The following SCIN variants were observed in gnomAD, a reference collection of about 807,000 sequenced individuals.
The protein encoded by SCIN is scinderin, also known as adseverin.
Under a neutral mutation model 91.8 loss-of-function variants are expected in SCIN, and 91 were observed. That is an observed-to-expected ratio of 0.99 (90% CI 0.84 to 1.18). The LOEUF (loss-of-function observed/expected upper bound fraction) is 1.18, where lower values mean the gene tolerates loss of function less well. Among genes scored for constraint, SCIN ranks in the 50% most tolerant of loss-of-function variants. SCIN has a pLI of 0.00. For missense variants in SCIN, 1,087 were observed against 863.9 expected (o/e 1.26, Z -3.24); for synonymous variants, 367 against 312.6 (o/e 1.17, Z -1.84).
chr7:12,593,535 T>C lies in SCIN; in HGVS notation c.517-10979T>C, dbSNP rs183222659. Among the ~76,000 whole-genome samples the C allele has an allele frequency of 3.3e-5, 5 of 152,120 alleles. 1 individual carries two copies. The South Asian group carries it at 8.3e-4, about 25-fold the overall frequency. On this transcript the variant is annotated intron_variant, in intron 3 of 15. Transcript: ENST00000297029. ...AATAATAATTAAAAAATAAATAAAA[T>C]TTTTTAAAGAAAGAACAATAGTTCC...
Position 12,658,863 on chromosome 7 carries a change from T to G in SCIN, c.*6148T>G, listed in dbSNP as rs1238173462. 3 of 152,258 alleles carry G rather than the reference T, an allele frequency of 2.0e-5. No homozygotes were observed. The highest frequency in any genetic ancestry group is 7.2e-5 in the African/African-American group (3 of 41,470). 9.4% of individuals were successfully genotyped at this position (152,258 alleles called of 1,614,324 possible). On this transcript the variant is annotated 3_prime_UTR_variant, in exon 16 of 16. Transcript: ENST00000297029. ...AATTACTGTAGAATGTATAGTGTTT[T>G]GAATGGCTATTGTATTTTTCAGCAT...
chr7:12,625,837 C>A lies in SCIN; in HGVS notation c.968C>A (p.Ser323Tyr), dbSNP rs745420301. 8.7e-6 allele frequency: 14 copies of A among 1,605,596 alleles called. No homozygotes were observed. The highest frequency in any genetic ancestry group is 1.2e-5 in the Non-Finnish European group (14 of 1,173,550). ...AEEFLQQMNY[S>Y]KNTQIQVLPE... The stretch of plus-strand genomic sequence containing the variant: ...GAATTTCTACAGCAAATGAATTATT[C>A]CAAGAATACCCAAGTATGTGTGAAA... Residue 323 changes from serine (S) to tyrosine (Y), a missense_variant, in exon 7 of 16, where the codon TCC becomes TAC. By Grantham distance (144) the Ser-to-Tyr change is moderately radical. Coordinates refer to ENST00000297029, the MANE Select transcript of SCIN (RefSeq NM_001112706.3).
chr7:12,639,880 T>A (rs1340779923), intron 10 of SCIN, among the ~76,000 whole-genome samples: 1 of 152,208 alleles, frequency 6.6e-6, no homozygotes, highest in Non-Finnish European at 1.5e-5. Context: ...CATCTTATGT[T>A]GTGAAGCATT....
intron 4 of SCIN, among the ~76,000 whole-genome samples, chr7:12,621,441 C>T (rs2115269253): frequency 6.6e-6 from 1 of 151,936 alleles, no homozygotes; most frequent in Non-Finnish European, 1.5e-5. Flanking sequence ...GCCTCAAATC[C>T]CAGACTGGGT....
At position 12,629,238 on chromosome 7, in the gene SCIN, T is replaced by G. The variant is rs112879593; in HGVS notation, c.1319+16T>G. 94 of 1,590,888 alleles carry G rather than the reference T, an allele frequency of 5.9e-5. No homozygotes were observed. In the African/African-American group the frequency reaches 9.6e-4, roughly 16 times the overall value. On this transcript the variant is annotated intron_variant, in intron 9 of 15. Transcript: ENST00000297029. ...TCTACACGTGGTGAGTTTATACGGG[T>G]AAAGATCTCGAGTTCCACAGGAGCC...
intron 4 of SCIN, 23 bp from the exon 5 acceptor site, chr7:12,622,778 A>G (rs956368273): frequency 2.0e-6 from 3 of 1,533,386 alleles, no homozygotes; most frequent in Non-Finnish European, 2.7e-6. Context: ...TTATCTTTGC[A>G]TCCACTGCTC....
At chr7:12,650,421 A>G (rs995463002) in intron 14 of SCIN, among the ~76,000 whole-genome samples, 8 of 152,214 alleles carry the variant, frequency 5.3e-5, no homozygotes, top group African/African-American at 1.9e-4. Flanking sequence ...AATTTTTCTC[A>G]TTTGCAGTCA....
chr7:12,637,015 C>T (rs550672870), intron 10 of SCIN, among the ~76,000 whole-genome samples: 171 of 152,240 alleles, frequency 1.1e-3, no homozygotes, highest in Non-Finnish European at 2.1e-3. Context: ...CCTAGAGCCT[C>T]TGGAAAGGAC....
chr7:12,599,737 A>T (rs1288604126), intron 3 of SCIN, among the ~76,000 whole-genome samples: 1 of 151,382 alleles, frequency 6.6e-6, no homozygotes, highest in Non-Finnish European at 1.5e-5. Context: ...GTGGTATCGC[A>T]TTGTGATTTT....
At chr7:12,581,286 G>A (rs1321922602) in intron 3 of SCIN, 65 bp downstream of exon 3, 1 of 1,449,350 alleles carries the variant, frequency 6.9e-7, no homozygotes, top group Non-Finnish European at 9.4e-7. Context: ...CAAATCATAT[G>A]TACATGTCAT....
At chr7:12,573,420 C>T (rs1436403204) in intron 1 of SCIN, among the ~76,000 whole-genome samples, 1 of 152,122 alleles carries the variant, frequency 6.6e-6, no homozygotes, top group Admixed American at 6.5e-5. Flanking sequence ...CAAGAGAGAA[C>T]AGAGCAGGAG....
chr7:12,641,977 A>G (rs567714002), intron 11 of SCIN, among the ~76,000 whole-genome samples: 2 of 152,106 alleles, frequency 1.3e-5, no homozygotes, highest in African/African-American at 2.4e-5. Flanking sequence ...TTATGAAATA[A>G]ATATCAAATT....
chr7:12,607,653 C>G (rs905684795), intron 4 of SCIN, among the ~76,000 whole-genome samples: 2 of 152,150 alleles, frequency 1.3e-5, no homozygotes, highest in African/African-American at 4.8e-5. Flanking sequence ...AGTGTCTATA[C>G]TACATTTTAT....
In SCIN at chr7:12,644,309, G is replaced by C; in HGVS notation, c.1753G>C (p.Glu585Gln). 6.3e-7 allele frequency: 1 copy of C among 1,581,992 alleles called. No homozygotes were observed. The highest frequency in any genetic ancestry group is 1.3e-5 in the African/African-American group (1 of 74,424). Residue 585 changes from glutamate (E) to glutamine (Q), a missense_variant, in exon 12 of 16, where the codon GAG becomes CAG. Glu to Gln is a conservative substitution (Grantham distance 29). Transcript: ENST00000297029. ...AACCTTAAGGATCCAAGAAGGCGAG[G>C]AGCCAGGTGTGTGCTCTGGGGCCAA... ...CKTLRIQEGE[E>Q]PEEFWNSLGG...
rs952636551 is a variant in SCIN at position 12,656,138 on chromosome 7, C to T, written c.*3423C>T. 3 of 152,126 alleles carry T rather than the reference C, an allele frequency of 2.0e-5. No homozygotes were observed. Among genetic ancestry groups the T allele is most frequent in the African/African-American group, 7.2e-5 (3 of 41,428 alleles). The allele number at this position is 152,126 out of a possible 1,614,324, so 9.4% of individuals were successfully genotyped here. A position where few individuals can be genotyped will look rare whatever the true frequency, so the allele number is the denominator to read the frequency against. ...TAGCAGTTCTGGTAAAGAGAATGGC[C>T]TTCACATTGTATTTTGAACAATGTT... On this transcript the variant is annotated 3_prime_UTR_variant, in exon 16 of 16. Coordinates refer to ENST00000297029, the MANE Select transcript of SCIN (RefSeq NM_001112706.3).
intron 4 of SCIN, among the ~76,000 whole-genome samples, chr7:12,620,095 T>C (rs1400991261): frequency 6.6e-6 from 1 of 152,008 alleles, no homozygotes; most frequent in Non-Finnish European, 1.5e-5. Context: ...AACTTTGTCA[T>C]ATACAAAATG....
At chr7:12,599,055 G>T (rs1782902749) in intron 3 of SCIN, among the ~76,000 whole-genome samples, 2 of 151,992 alleles carry the variant, frequency 1.3e-5, no homozygotes, top group South Asian at 4.2e-4. Flanking sequence ...CTACTAAATA[G>T]GAAAATATAT....
Position 12,656,667 on chromosome 7 carries a change from T to G in SCIN, c.*3952T>G, listed in dbSNP as rs868382505. 1 of 152,196 alleles carries G rather than the reference T, an allele frequency of 6.6e-6. No homozygotes were observed. Among genetic ancestry groups the G allele is most frequent in the South Asian group, 2.1e-4 (1 of 4,832 alleles). 9.4% of individuals were successfully genotyped at this position (152,196 alleles called of 1,614,324 possible). ...GGCCGGGCGCAGTGGCTGACGCCTG[T>G]AATCCCAGCACTTTGAAAGGCCAAG... On this transcript the variant is annotated 3_prime_UTR_variant, in exon 16 of 16. Transcript: ENST00000297029.
chr7:12,635,638 A>G (rs1305621263), intron 9 of SCIN, among the ~76,000 whole-genome samples: 1 of 148,956 alleles, frequency 6.7e-6, no homozygotes, highest in Non-Finnish European at 1.5e-5. Context: ...AAAAAAAAAA[A>G]AAAAGGCAAG....
Sources: gnomAD v4.1 joint callset for allele counts (sites outside exome capture counted in the v4.1 genomes callset) on GRCh38, gnomAD v4.1.1 for gene constraint, MANE v1.5 for transcripts, NCBI Gene and HGNC (gene_info 2026-07-23, HGNC 2026-07-21) for gene names.